The following CDYL2 variants were observed in gnomAD, a reference collection of about 807,000 sequenced individuals.
The protein encoded by CDYL2 is chromodomain Y like 2.
A neutral mutation model predicts 49.4 loss-of-function variants in CDYL2; 23 were observed. The observed-to-expected ratio is 0.47, with a 90% CI of 0.34 to 0.66. The LOEUF (loss-of-function observed/expected upper bound fraction) is 0.66, where lower values mean the gene tolerates loss of function less well. Ranked by LOEUF, CDYL2 falls within the 30% of genes least tolerant of loss-of-function variation. The pLI is 0.01. For synonymous variants in CDYL2, 360 were observed against 268.8 expected, an observed-to-expected ratio of 1.34 and a Z score of -3.32; for missense variants, 678 against 656.4, an observed-to-expected ratio of 1.03 and a Z score of -0.36.
At chr16:80,801,766 C>T (rs1200500656) in intron 1 of CDYL2, among the ~76,000 whole-genome samples, 1 of 152,112 alleles carries the variant, frequency 6.6e-6, no homozygotes. Context: ...ACTTTTTACC[C>T]ACATAACAAC....
chr16:80,750,592 C>A (rs1287487863), intron 1 of CDYL2, among the ~76,000 whole-genome samples: 1 of 151,952 alleles, frequency 6.6e-6, no homozygotes, highest in African/African-American at 2.4e-5. Context: ...AACAACCCAC[C>A]CAAAAATATA....
At chr16:80,664,956 T>C (rs542874594) in intron 2 of CDYL2, among the ~76,000 whole-genome samples, 2 of 152,308 alleles carry the variant, frequency 1.3e-5, no homozygotes, top group East Asian at 1.9e-4. Context: ...AGATTGTCAA[T>C]GTATTTGTCA....
chr16:80,715,907 C>A (rs1904782101), intron 1 of CDYL2, among the ~76,000 whole-genome samples: 1 of 152,172 alleles, frequency 6.6e-6, no homozygotes, highest in African/African-American at 2.4e-5. Context: ...TCCTACCCAC[C>A]CCTAGATGGA....
At chr16:80,770,933 G>A (rs1439087545) in intron 1 of CDYL2, among the ~76,000 whole-genome samples, 1 of 152,180 alleles carries the variant, frequency 6.6e-6, no homozygotes, top group African/African-American at 2.4e-5. Flanking sequence ...AGAGCCACTG[G>A]AGGACATTTT....
chr16:80,702,183 A>AACACACACACACACACACACACAC (rs35071485), intron 1 of CDYL2, among the ~76,000 whole-genome samples: 26 of 142,866 alleles, frequency 1.8e-4, no homozygotes, highest in African/African-American at 6.5e-4. Flanking sequence ...GAAGGCCTAA[A>AACACACACACACACACACACACAC]ACACACACAC....
Position 80,633,160 on chromosome 16 carries a change from G to C in CDYL2, c.693C>G (p.Val231=), listed in dbSNP as rs772387360. 2.5e-6 allele frequency: 4 copies of C among 1,614,112 alleles called. No homozygotes were observed. The East Asian group carries it at 8.9e-5, about 36-fold the overall frequency. ...KRKLEAEKDY[V]FDKRLRYSVR... ...CACTGTATCTGAGCCTTTTGTCAAAGACGTAGTCCTTCTCCGCTTCCAGCT... is the reference window on the plus strand; with the variant it reads ...CACTGTATCTGAGCCTTTTGTCAAACACGTAGTCCTTCTCCGCTTCCAGCT... The change falls in exon 3 of 7, where the codon GTC becomes GTG. Residue 231 remains valine, a synonymous_variant. Coordinates refer to ENST00000570137, the MANE Select transcript of CDYL2 (RefSeq NM_152342.4).
intron 1 of CDYL2, among the ~76,000 whole-genome samples, chr16:80,689,198 T>C (rs1910315383): frequency 6.6e-6 from 1 of 152,210 alleles, no homozygotes; most frequent in South Asian, 2.1e-4. Flanking sequence ...AAATCATTCA[T>C]TAACATTTAC....
chr16:80,632,866 T>C, intron 3 of CDYL2, 153 bp downstream of exon 3: 1 of 653,180 alleles, frequency 1.5e-6, no homozygotes, highest in Non-Finnish European at 2.7e-6. Flanking sequence ...GTATGTAAAA[T>C]GATGAGCAAA....
intron 1 of CDYL2, among the ~76,000 whole-genome samples, chr16:80,697,444 G>C (rs1904280840): frequency 6.6e-6 from 1 of 152,076 alleles, no homozygotes; most frequent in Non-Finnish European, 1.5e-5. Flanking sequence ...GGCCATATCT[G>C]ACAAACCCAC....
intron 1 of CDYL2, among the ~76,000 whole-genome samples, chr16:80,765,246 G>A (rs941960389): frequency 4.0e-5 from 6 of 149,700 alleles, no homozygotes; most frequent in African/African-American, 9.8e-5. Context: ...CTAAAGCTCC[G>A]AGTATCCATG....
intron 2 of CDYL2, among the ~76,000 whole-genome samples, chr16:80,665,731 G>C (rs1221293619): frequency 6.6e-6 from 1 of 152,038 alleles, no homozygotes; most frequent in Admixed American, 6.6e-5. Flanking sequence ...AACAGAAGAA[G>C]AAAGAACAAA....
chr16:80,650,673 G>A (rs1372689171), intron 2 of CDYL2, among the ~76,000 whole-genome samples: 1 of 152,202 alleles, frequency 6.6e-6, no homozygotes, highest in Non-Finnish European at 1.5e-5. Context: ...GCACTCTCAT[G>A]TTTGTTGTAG....
intron 1 of CDYL2, among the ~76,000 whole-genome samples, chr16:80,780,559 C>G (rs1243565530): frequency 2.0e-5 from 3 of 151,874 alleles, no homozygotes; most frequent in African/African-American, 4.8e-5. Flanking sequence ...CACCTGCCAC[C>G]ATGCCTGGCT....
chr16:80,603,062 T>C lies in CDYL2; in HGVS notation c.*1326A>G, dbSNP rs1567534958. The stretch of plus-strand genomic sequence containing the variant: ...GGCAAGGAGATCTCATTCCTGGTCA[T>C]TGCTCCCTATGTACATAAAAAAACT... On this transcript the variant is annotated 3_prime_UTR_variant, in exon 7 of 7. Transcript: ENST00000570137. The C allele has an allele frequency of 6.6e-6, 1 of 152,162 alleles. No homozygotes were observed. 9.4% of individuals were successfully genotyped at this position (152,162 alleles called of 1,614,324 possible). A position where few individuals can be genotyped will look rare whatever the true frequency, so the allele number is the denominator to read the frequency against.
intron 2 of CDYL2, among the ~76,000 whole-genome samples, chr16:80,675,582 G>A (rs995847514): frequency 1.3e-5 from 2 of 152,152 alleles, no homozygotes; most frequent in Non-Finnish European, 2.9e-5. Flanking sequence ...AAGGCCCTGG[G>A]ATCCACCTCA....
At chr16:80,776,962 C>T (rs542097924) in intron 1 of CDYL2, among the ~76,000 whole-genome samples, 3 of 151,822 alleles carry the variant, frequency 2.0e-5, no homozygotes, top group Non-Finnish European at 1.5e-5. Context: ...GGACTACAGG[C>T]GCACGCTGCC....
At position 80,614,644 on chromosome 16, in the gene CDYL2, T is replaced by A. The variant is rs996585945; in HGVS notation, c.1008-1808A>T. On this transcript the variant is annotated intron_variant, in intron 4 of 6. Transcript: ENST00000570137. ...AGTGTGGGAGGCCGAGGTGGATGGA[T>A]CACAAGGTCAGGAGTTCTAGACCAG... Among the ~76,000 whole-genome samples, 12 of 152,246 alleles carry A rather than the reference T, an allele frequency of 7.9e-5. No individual in the cohort carries two copies. In the East Asian group the frequency reaches 2.3e-3, roughly 29 times the overall value.
At chr16:80,758,423 C>T (rs555162543) in intron 1 of CDYL2, among the ~76,000 whole-genome samples, 2 of 151,908 alleles carry the variant, frequency 1.3e-5, no homozygotes, top group East Asian at 1.9e-4. Flanking sequence ...GAGGTAATTT[C>T]GAAGTAAGAA....
intron 1 of CDYL2, among the ~76,000 whole-genome samples, chr16:80,722,976 G>C (rs1008203168): frequency 6.6e-6 from 1 of 152,202 alleles, no homozygotes; most frequent in Admixed American, 6.5e-5. Flanking sequence ...TCCACAAGCA[G>C]AGCAGAAGGA....
Sources: gnomAD v4.1 joint callset for allele counts (sites outside exome capture counted in the v4.1 genomes callset) on GRCh38, gnomAD v4.1.1 for gene constraint, MANE v1.5 for transcripts, NCBI Gene and HGNC (gene_info 2026-07-23, HGNC 2026-07-21) for gene names.